IGSF21: variants seen among roughly 807,000 people sequenced by gnomAD.
The protein encoded by IGSF21 is immunoglobulin superfamily member 21.
A neutral mutation model predicts 46.8 loss-of-function variants in IGSF21; 28 were observed. That is an observed-to-expected ratio of 0.60 (90% confidence interval 0.44 to 0.82). The LOEUF (loss-of-function observed/expected upper bound fraction) is 0.82, where lower values mean the gene tolerates loss of function less well. Among genes scored for constraint, IGSF21 ranks in the 40% least tolerant of loss-of-function variants. IGSF21 has a pLI of 0.00. For missense variants in IGSF21, 624 were observed against 665.5 expected, an observed-to-expected ratio of 0.94 and a Z score of 0.69; for synonymous variants, 284 against 273.6, an observed-to-expected ratio of 1.04 and a Z score of -0.38.
intron 1 of IGSF21, among the ~76,000 whole-genome samples, chr1:18,176,679 CTT>C (rs2086801351): frequency 6.6e-6 from 1 of 152,206 alleles, no homozygotes; most frequent in African/African-American, 2.4e-5. Context: ...CCATGGAAGA[CTT>C]TCCTCCTCTT....
intron 1 of IGSF21, among the ~76,000 whole-genome samples, chr1:18,215,405 G>A (rs1175236417): frequency 6.6e-6 from 1 of 152,188 alleles, no homozygotes; most frequent in Non-Finnish European, 1.5e-5. Context: ...AAAAAGAAGT[G>A]TCCTCATGCA....
chr1:18,259,565 T>C (rs986138922), intron 2 of IGSF21, among the ~76,000 whole-genome samples: 2 of 152,186 alleles, frequency 1.3e-5, no homozygotes, highest in South Asian at 2.1e-4. Flanking sequence ...CCCCAGAACC[T>C]CTTGCATTCT....
In IGSF21 at chr1:18,362,174, C is replaced by G; in HGVS notation, c.484C>G (p.Gln162Glu). Residue 162 changes from glutamine to glutamate, a missense_variant, in exon 5 of 10, where the codon CAA becomes GAA. Transcript: ENST00000251296. ...CACACCAGCCCCCTTCAGCCGCTAC[C>G]AAGCCCAGAACTTCACGCTGGTCTG... is the stretch of plus-strand genomic sequence containing the variant. The part of the protein sequence containing the change: ...ADTPAPFSRY[Q>E]AQNFTLVCIV... 1 of 1,613,426 alleles carries G rather than the reference C, an allele frequency of 6.2e-7. No individual in the cohort carries two copies. The highest frequency in any genetic ancestry group is 8.5e-7 in the Non-Finnish European group (1 of 1,179,806).
chr1:18,270,585 C>T (rs567805231), intron 2 of IGSF21, among the ~76,000 whole-genome samples: 2 of 152,304 alleles, frequency 1.3e-5, no homozygotes, highest in Admixed American at 6.5e-5. Flanking sequence ...GCATCTGCAG[C>T]AGGACTCTTC....
chr1:18,335,046 G>A lies in IGSF21; in HGVS notation c.424+36G>A, dbSNP rs1403052913. The A allele has an allele frequency of 6.7e-7, 1 of 1,492,244 alleles. No homozygotes were observed. Among genetic ancestry groups the A allele is most frequent in the Admixed American group, 1.7e-5 (1 of 59,844 alleles). The allele number at this position is 1,492,244 out of a possible 1,614,324, so 92.4% of individuals were successfully genotyped here. A position where few individuals can be genotyped will look rare whatever the true frequency, so the allele number is the denominator to read the frequency against. ...GGCCACTGGCCCCTGGTGTCTCAGT[G>A]AGGAGGACGAGTATGCTTGAGTGTG... On this transcript the variant is annotated intron_variant, in intron 4 of 9. Transcript: ENST00000251296. The surrounding 1 kb of genome is among the most constrained non-coding windows in gnomAD (Gnocchi z 4.8).
At chr1:18,318,478 G>GTGTC (rs1553163228) in intron 3 of IGSF21, among the ~76,000 whole-genome samples, 2 of 151,148 alleles carry the variant, frequency 1.3e-5, no homozygotes, top group Admixed American at 1.3e-4. Context: ...GTGTGTGTGT[G>GTGTC]TGTGTGTGTG....
At chr1:18,176,822 G>A (rs985163374) in intron 1 of IGSF21, among the ~76,000 whole-genome samples, 2 of 152,216 alleles carry the variant, frequency 1.3e-5, no homozygotes, top group African/African-American at 4.8e-5. Context: ...CTCCCTTGGG[G>A]ATTAGGGGGC....
chr1:18,115,842 G>GAAGGAAGAAAGAAAGAAAGA (rs1326188397), intron 1 of IGSF21: 17 of 87,826 alleles, frequency 1.9e-4, no homozygotes, highest in Admixed American at 3.7e-4. Flanking sequence ...AGGAAGGAAG[G>GAAGGAAGAAAGAAAGAAAGA]AAGAAAGAAA....
At chr1:18,178,479 T>G (rs1031634020) in intron 1 of IGSF21, among the ~76,000 whole-genome samples, 2 of 152,184 alleles carry the variant, frequency 1.3e-5, no homozygotes, top group African/African-American at 4.8e-5. Flanking sequence ...ATCTGTGAAG[T>G]GGGGATAATA....
intron 1 of IGSF21, chr1:18,113,282 C>T (rs1368625903): frequency 1.2e-4 from 19 of 152,114 alleles, no homozygotes; most frequent in Admixed American, 1.1e-3. Flanking sequence ...ATCCTGGAAC[C>T]CACCTTTATG....
chr1:18,341,645 A>C (rs2085842867), intron 4 of IGSF21, among the ~76,000 whole-genome samples: 1 of 152,196 alleles, frequency 6.6e-6, no homozygotes, highest in Non-Finnish European at 1.5e-5. Flanking sequence ...GCAGATGAAG[A>C]AATTGAGAGG....
Position 18,132,604 on chromosome 1 carries a change from G to T in IGSF21, c.70+24406G>T, listed in dbSNP as rs557500537. Reference sequence around the variant, plus strand: ...CCCCATGATTGCGTTCTGGGTCCTGGCCACCTCTTGGGCTGTCAGGCAAGG... The same window carrying T: ...CCCCATGATTGCGTTCTGGGTCCTGTCCACCTCTTGGGCTGTCAGGCAAGG... On this transcript the variant is annotated intron_variant, in intron 1 of 9. Coordinates refer to ENST00000251296, the MANE Select transcript of IGSF21 (RefSeq NM_032880.5). Among the ~76,000 whole-genome samples, 3 of 152,252 alleles carry T rather than the reference G, an allele frequency of 2.0e-5. No individual in the cohort carries two copies. In the South Asian group the frequency reaches 6.2e-4, roughly 32 times the overall value.
Position 18,322,891 on chromosome 1 carries a change from C to T in IGSF21, c.306-12001C>T, listed in dbSNP as rs779282992. Reference sequence around the variant, plus strand: ...AGATGTCGGAATGGGTGAAGGGGAGCGGGAAGCGATGGGCCAGGAAGTCAG... The same window carrying T: ...AGATGTCGGAATGGGTGAAGGGGAGTGGGAAGCGATGGGCCAGGAAGTCAG... On this transcript the variant is annotated intron_variant, in intron 3 of 9. Coordinates refer to ENST00000251296, the MANE Select transcript of IGSF21 (RefSeq NM_032880.5). The surrounding 1 kb of genome is among the most constrained non-coding windows in gnomAD (Gnocchi z 4.3). 3.3e-5 allele frequency among the ~76,000 whole-genome samples: 5 copies of T among 151,950 alleles called. No homozygotes were observed. The highest frequency in any genetic ancestry group is 7.3e-5 in the African/African-American group (3 of 41,356).
At chr1:18,320,931 C>G (rs2085594391) in intron 3 of IGSF21, among the ~76,000 whole-genome samples, 1 of 152,194 alleles carries the variant, frequency 6.6e-6, no homozygotes, top group Non-Finnish European at 1.5e-5. Context: ...CACCTGGACC[C>G]TCTCCCTGCA....
chr1:18,203,648 T>A (rs549402354), intron 1 of IGSF21, among the ~76,000 whole-genome samples: 1 of 152,180 alleles, frequency 6.6e-6, no homozygotes, highest in South Asian at 2.1e-4. Flanking sequence ...GAATGACTGT[T>A]TGTATATCCT....
chr1:18,377,023 A>G, intron 8 of IGSF21, 31 bp downstream of exon 8: 1 of 1,567,646 alleles, frequency 6.4e-7, no homozygotes, highest in Non-Finnish European at 8.7e-7. Context: ...GACTGGGAGA[A>G]CAACCACAGG....
intron 1 of IGSF21, among the ~76,000 whole-genome samples, chr1:18,158,099 G>T (rs889615086): frequency 1.3e-5 from 2 of 152,124 alleles, no homozygotes; most frequent in Admixed American, 1.3e-4. Context: ...AAGCTCAGTG[G>T]CGCCCCCATC....
intron 9 of IGSF21, 141 bp downstream of exon 9, chr1:18,377,572 C>G: frequency 1.4e-6 from 1 of 738,710 alleles, no homozygotes; most frequent in African/African-American, 1.7e-5. Context: ...TCTAGTAGGG[C>G]AGAGTCAGGG....
intron 2 of IGSF21, among the ~76,000 whole-genome samples, chr1:18,269,228 G>A (rs186109259): frequency 2.0e-5 from 3 of 152,166 alleles, no homozygotes; most frequent in African/African-American, 7.2e-5. Context: ...TGCTGATGCC[G>A]ATGAGACTTG....
Sources: gnomAD v4.1 joint callset for allele counts (sites outside exome capture counted in the v4.1 genomes callset) on GRCh38, gnomAD v4.1.1 for gene constraint, Gnocchi (gnomAD v3.1) non-coding constraint, MANE v1.5 for transcripts, NCBI Gene and HGNC (gene_info 2026-07-23, HGNC 2026-07-21) for gene names.